Variants in MSI2 observed in about 807,000 individuals in gnomAD.
MSI2 encodes the protein musashi RNA binding protein 2.
In MSI2, 17 loss-of-function variants were observed where a neutral mutation model predicts 45.6. The observed-to-expected ratio is 0.37, with a 90% CI of 0.26 to 0.56. The LOEUF is 0.56. Among genes scored for constraint, MSI2 ranks in the 20% least tolerant of loss-of-function variants. MSI2 has a pLI of 0.77. For missense variants in MSI2, 293 were observed against 444.2 expected, an observed-to-expected ratio of 0.66 and a Z score of 3.06; for synonymous variants, 156 against 158.2, an observed-to-expected ratio of 0.99 and a Z score of 0.11.
rs79872291 is a variant in MSI2 at position 57,569,295 on chromosome 17, G to T, written c.455-27573G>T. ...ACTGGTAGCTTCAAATTGGAAATGG[G>T]CTCCAGTTTGCTGCCAGGTGTTTGC... is the stretch of plus-strand genomic sequence containing the variant. On this transcript the variant is annotated intron_variant, in intron 7 of 13. Transcript: ENST00000284073. Among the ~76,000 whole-genome samples the T allele has an allele frequency of 4.3e-3, 655 of 152,320 alleles. 23 individuals carry two copies. The South Asian group carries it at 0.061, about 14-fold the overall frequency.
chr17:57,615,220 C>T (rs1907567853), intron 8 of MSI2, among the ~76,000 whole-genome samples: 1 of 151,534 alleles, frequency 6.6e-6, no homozygotes, highest in African/African-American at 2.4e-5. Flanking sequence ...CTTGACCTCC[C>T]AGACTCAGGT....
chr17:57,526,356 G>GGT (rs71143203), intron 6 of MSI2, among the ~76,000 whole-genome samples: 11,315 of 121,488 alleles, frequency 0.093, 647 homozygotes, highest in Non-Finnish European at 0.12. Flanking sequence ...GATATACCTG[G>GGT]GTGTGTGTGT....
chr17:57,261,682 G>GT (rs1214943677), intron 4 of MSI2, among the ~76,000 whole-genome samples: 2 of 152,108 alleles, frequency 1.3e-5, no homozygotes, highest in Non-Finnish European at 2.9e-5. Flanking sequence ...CTCCTGTGTT[G>GT]TTTAGTTATC....
intron 7 of MSI2, among the ~76,000 whole-genome samples, chr17:57,580,571 G>A (rs77048316): frequency 9.8e-5 from 15 of 152,298 alleles, no homozygotes; most frequent in African/African-American, 2.6e-4. Context: ...ATTAGTAAGC[G>A]TGAAAAATTG....
chr17:57,495,794 G>C (rs765936041), intron 6 of MSI2, among the ~76,000 whole-genome samples: 1 of 152,154 alleles, frequency 6.6e-6, no homozygotes, highest in Non-Finnish European at 1.5e-5. Flanking sequence ...CCAGCGCCCT[G>C]AGTGAGGAAT....
At chr17:57,503,565 C>T (rs1423848686) in intron 6 of MSI2, among the ~76,000 whole-genome samples, 1 of 152,176 alleles carries the variant, frequency 6.6e-6, no homozygotes, top group East Asian at 1.9e-4. Context: ...CACACATCAG[C>T]AAAAGACTCC....
At chr17:57,653,936 A>AT (rs35452889) in intron 11 of MSI2, among the ~76,000 whole-genome samples, 107,409 of 133,600 alleles carry the variant, frequency 0.8, 43,591 homozygotes, top group African/African-American at 0.92. Flanking sequence ...CCAGTCACAC[A>AT]TTTTTTTTTT....
chr17:57,389,512 G>A (rs2083748867), intron 5 of MSI2, among the ~76,000 whole-genome samples: 1 of 152,146 alleles, frequency 6.6e-6, no homozygotes, highest in Non-Finnish European at 1.5e-5. Flanking sequence ...GCCCAGCCCT[G>A]TGCTCTCACA....
chr17:57,277,053 CTTT>C (rs34561938), intron 5 of MSI2, among the ~76,000 whole-genome samples: 6 of 124,984 alleles, frequency 4.8e-5, no homozygotes, highest in Admixed American at 8.2e-5. Flanking sequence ...GTTTTCTTTT[CTTT>C]TTTTTTTTTT....
intron 6 of MSI2, among the ~76,000 whole-genome samples, chr17:57,460,607 C>T (rs1047557680): frequency 6.6e-6 from 1 of 151,940 alleles, no homozygotes; most frequent in African/African-American, 2.4e-5. Context: ...CATGAGGCAC[C>T]CCGCCTGTGT....
intron 5 of MSI2, among the ~76,000 whole-genome samples, chr17:57,390,774 C>G (rs1196149790): frequency 6.6e-6 from 1 of 152,200 alleles, no homozygotes; most frequent in Non-Finnish European, 1.5e-5. Flanking sequence ...TCCCAGTTTA[C>G]TGGAGAGATG....
intron 7 of MSI2, among the ~76,000 whole-genome samples, chr17:57,579,353 G>A (rs978450001): frequency 6.6e-5 from 10 of 152,218 alleles, no homozygotes; most frequent in Middle Eastern, 3.2e-3. Context: ...TCTGGAGGAC[G>A]CAGGGATGAT....
chr17:57,458,695 C>T (rs753728130), intron 6 of MSI2, among the ~76,000 whole-genome samples: 1 of 152,212 alleles, frequency 6.6e-6, no homozygotes, highest in Non-Finnish European at 1.5e-5. Context: ...CGGCCCATAA[C>T]TCAGATCAGT....
intron 11 of MSI2, among the ~76,000 whole-genome samples, chr17:57,662,783 T>A (rs538111477): frequency 2.0e-5 from 3 of 152,196 alleles, no homozygotes. Flanking sequence ...TAAGTATTTT[T>A]TGCACCTGCT....
chr17:57,557,611 C>T (rs1007978341), intron 7 of MSI2, among the ~76,000 whole-genome samples: 2 of 152,186 alleles, frequency 1.3e-5, no homozygotes, highest in Non-Finnish European at 2.9e-5. Flanking sequence ...GGCTGGTACC[C>T]CACAGCCCTG....
chr17:57,553,896 T>G (rs546989243), intron 7 of MSI2, among the ~76,000 whole-genome samples: 9 of 152,302 alleles, frequency 5.9e-5, no homozygotes, highest in Admixed American at 4.6e-4. Context: ...GAGAAGAAAT[T>G]TAAAGCAAAG....
At chr17:57,494,349 T>C (rs78198860) in intron 6 of MSI2, among the ~76,000 whole-genome samples, 9,844 of 152,254 alleles carry the variant, frequency 0.065, 505 homozygotes, top group African/African-American at 0.14. Flanking sequence ...ACAGCCTCCA[T>C]GATGCAGAAG....
chr17:57,590,152 A>G (rs1401817623), intron 7 of MSI2, among the ~76,000 whole-genome samples: 1 of 151,742 alleles, frequency 6.6e-6, no homozygotes. Context: ...TTTTTTCTCC[A>G]TTAACCAAGT....
intron 6 of MSI2, among the ~76,000 whole-genome samples, chr17:57,456,777 GGACTGCATCATCTTGGAGTTTA>G (rs1024643414): frequency 3.9e-5 from 6 of 152,152 alleles, no homozygotes; most frequent in African/African-American, 1.4e-4. Flanking sequence ...GTAGTTTCCA[GGACTGCATCATCTTGGAGTTTA>G]TTTTAGGCAG....
Sources: gnomAD v4.1 joint callset for allele counts (sites outside exome capture counted in the v4.1 genomes callset) on GRCh38, gnomAD v4.1.1 for gene constraint, MANE v1.5 for transcripts, NCBI Gene and HGNC (gene_info 2026-07-23, HGNC 2026-07-21) for gene names.